The following SAXO3 variants were observed in gnomAD, a reference collection of about 807,000 sequenced individuals.
SAXO3 encodes the protein stabilizer of axonemal microtubules 3.
chr19:49,018,990 G>T, the SAXO3 span: 18 of 1,533,004 alleles, frequency 1.2e-5, no homozygotes, highest in Non-Finnish European at 1.6e-5. Flanking sequence ...CTTCGTCCAG[G>T]CAATTAGAGC....
At chr19:49,020,412 A>C in the SAXO3 span, 12 of 399,380 alleles carry the variant, frequency 3.0e-5, no homozygotes, top group Non-Finnish European at 4.4e-6. Flanking sequence ...GGGTGGGATA[A>C]TGCGGTGGGA....
chr19:49,018,857 C>A, the SAXO3 span: 20 of 1,529,382 alleles, frequency 1.3e-5, no homozygotes, highest in Admixed American at 3.9e-4. Context: ...CGGTGCCGAG[C>A]GAGAGCCCGG....
At chr19:49,018,329 G>C in the SAXO3 span, 10 of 1,218,026 alleles carry the variant, frequency 8.2e-6, no homozygotes, top group Non-Finnish European at 1.0e-5. Context: ...GGGGTATCCG[G>C]ACAGCTCCGT....
the SAXO3 span, chr19:49,020,484 C>G: frequency 2.5e-6 from 1 of 398,906 alleles, no homozygotes; most frequent in Admixed American, 4.4e-5. Flanking sequence ...TGCAGAGATA[C>G]GACAGCCCGG....
chr19:49,019,588 C>A, the SAXO3 span: 1 of 1,252,834 alleles, frequency 8.0e-7, no homozygotes, highest in Non-Finnish European at 1.0e-6. Context: ...CCTTCTGGCC[C>A]CGCCCCAGGC....
the SAXO3 span, chr19:49,019,300 G>GC: frequency 9.2e-7 from 1 of 1,081,632 alleles, no homozygotes; most frequent in Admixed American, 8.2e-5. Context: ...GTTCCGCTCT[G>GC]TCTTAAACCG....
the SAXO3 span, chr19:49,018,225 G>T: frequency 1.5e-6 from 1 of 654,704 alleles, no homozygotes; most frequent in Non-Finnish European, 2.2e-6. Context: ...GGTCGGGGCG[G>T]CCGGGAGGAG....
At chr19:49,019,943 G>C in the SAXO3 span, 17 of 1,500,542 alleles carry the variant, frequency 1.1e-5, no homozygotes, top group East Asian at 3.0e-4. Flanking sequence ...CACAGTCCGC[G>C]TGGGGTCTGC....
At chr19:49,018,239 G>C in the SAXO3 span, 1 of 793,324 alleles carries the variant, frequency 1.3e-6, no homozygotes, top group Non-Finnish European at 1.7e-6. Flanking sequence ...GGAGGAGCGC[G>C]GACAGGGCGG....
chr19:49,019,123 C>A, the SAXO3 span: 10 of 1,430,402 alleles, frequency 7.0e-6, no homozygotes, highest in Non-Finnish European at 9.1e-6. Context: ...CCACGGCCCT[C>A]ACACCCCGCC....
the SAXO3 span, chr19:49,017,981 G>C: frequency 2.5e-6 from 1 of 398,460 alleles, no homozygotes; most frequent in Non-Finnish European, 4.4e-6. Flanking sequence ...CACCAGCGCC[G>C]GCTTCAAGCT....
the SAXO3 span, chr19:49,019,733 A>G: frequency 1.7e-6 from 2 of 1,164,212 alleles, no homozygotes; most frequent in Non-Finnish European, 2.2e-6. Flanking sequence ...CCGCTGGGAG[A>G]GCCAGTGTAC....
At chr19:49,018,188 C>T in the SAXO3 span, 1 of 438,308 alleles carries the variant, frequency 2.3e-6, no homozygotes, top group Non-Finnish European at 3.8e-6. Flanking sequence ...GGTCACCGGG[C>T]TGACGCGCGG....
chr19:49,019,506 A>T, the SAXO3 span: 1 of 1,177,670 alleles, frequency 8.5e-7, no homozygotes, highest in Non-Finnish European at 1.1e-6. Context: ...CCTAATGCCC[A>T]GCCCCTCCCC....
chr19:49,018,405 G>C, the SAXO3 span: 15 of 988,232 alleles, frequency 1.5e-5, no homozygotes, highest in African/African-American at 2.2e-4. Flanking sequence ...TCAGACCTCG[G>C]GATCTAAGGA....
At chr19:49,020,461 C>A in the SAXO3 span, 24 of 399,020 alleles carry the variant, frequency 6.0e-5, no homozygotes, top group Non-Finnish European at 1.0e-4. Flanking sequence ...GGCCTGGATC[C>A]AGGTACCTCG....
the SAXO3 span, chr19:49,018,201 C>G: frequency 2.1e-6 from 1 of 487,552 alleles, no homozygotes; most frequent in Admixed American, 4.4e-5. Context: ...ACGCGCGGCA[C>G]GCGGACCCGC....
At chr19:49,018,961 G>A in the SAXO3 span, 23 of 1,533,788 alleles carry the variant, frequency 1.5e-5, no homozygotes, top group East Asian at 4.9e-5. Context: ...GTGAAAGGCC[G>A]GCCAGACAGC....
At chr19:49,018,698 C>A in the SAXO3 span, among the ~76,000 whole-genome samples, 4 of 151,602 alleles carry the variant, frequency 2.6e-5, no homozygotes, top group Non-Finnish European at 5.9e-5. Context: ...CTAAGGACTC[C>A]TGGGTGCTTA....
Sources: allele counts gnomAD v4.1 joint callset (sites outside exome capture counted in the v4.1 genomes callset), GRCh38; gene constraint gnomAD v4.1.1; transcripts MANE v1.5; gene names NCBI Gene and HGNC (gene_info 2026-07-23, HGNC 2026-07-21).